SIPA1L2: variants seen among roughly 807,000 people sequenced by gnomAD.
The protein encoded by SIPA1L2 is signal induced proliferation associated 1 like 2.
A neutral mutation model predicts 163.9 loss-of-function variants in SIPA1L2; 56 were observed. That is an observed-to-expected ratio of 0.34 (90% CI 0.28 to 0.43). SIPA1L2 has a LOEUF of 0.43. Among genes scored for constraint, SIPA1L2 ranks in the 20% least tolerant of loss-of-function variants. The pLI is 1.00. For synonymous variants in SIPA1L2, 877 were observed against 865.7 expected (o/e 1.01, Z -0.23); for missense variants, 1,974 against 2,193.5 (o/e 0.90, Z 2.00).
intron 3 of SIPA1L2, among the ~76,000 whole-genome samples, chr1:232,500,480 T>C (rs764407198): frequency 3.4e-4 from 51 of 152,156 alleles, no homozygotes; most frequent in Non-Finnish European, 6.8e-4. Flanking sequence ...TTAACAGAAA[T>C]TTAGAAGGTG....
intron 16 of SIPA1L2, among the ~76,000 whole-genome samples, chr1:232,429,608 T>TA (rs35262191): frequency 0.012 from 1,607 of 137,730 alleles, 44 homozygotes; most frequent in East Asian, 0.06. Flanking sequence ...ATAGTGGCTG[T>TA]AAAAAAAAAA....
At chr1:232,562,653 C>CT (rs1207097826) in intron 2 of SIPA1L2, among the ~76,000 whole-genome samples, 1 of 152,166 alleles carries the variant, frequency 6.6e-6, no homozygotes, top group Non-Finnish European at 1.5e-5. Flanking sequence ...TCGAAGCCAA[C>CT]AAGATCTGAT....
At chr1:232,533,763 C>T (rs544574247) in intron 2 of SIPA1L2, among the ~76,000 whole-genome samples, 29 of 152,322 alleles carry the variant, frequency 1.9e-4, no homozygotes, top group African/African-American at 1.2e-4. Context: ...GACAAGAACA[C>T]TTTGCTCAGA....
intron 10 of SIPA1L2, among the ~76,000 whole-genome samples, chr1:232,456,186 C>A (rs1368505298): frequency 3.3e-5 from 5 of 152,152 alleles, no homozygotes; most frequent in Non-Finnish European, 7.3e-5. Flanking sequence ...AGAAGGCTCA[C>A]TTGAGTCCAG....
intron 3 of SIPA1L2, among the ~76,000 whole-genome samples, chr1:232,504,411 G>A (rs1236663122): frequency 1.3e-5 from 2 of 151,852 alleles, no homozygotes; most frequent in African/African-American, 4.8e-5. Flanking sequence ...GGTGGCGCAT[G>A]CCTGTAGTTC....
intron 2 of SIPA1L2, among the ~76,000 whole-genome samples, chr1:232,570,652 T>C (rs552503650): frequency 1.1e-4 from 16 of 152,266 alleles, no homozygotes; most frequent in African/African-American, 3.6e-4. Context: ...TGGGACACAG[T>C]AGCTTATTCA....
chr1:232,520,306 C>T (rs899553896), intron 2 of SIPA1L2, among the ~76,000 whole-genome samples: 4 of 152,202 alleles, frequency 2.6e-5, no homozygotes, highest in African/African-American at 9.7e-5. Flanking sequence ...CAGACAGAAA[C>T]CCCACAGGTA....
intron 3 of SIPA1L2, among the ~76,000 whole-genome samples, chr1:232,510,927 T>C (rs979519256): frequency 6.6e-6 from 1 of 152,226 alleles, no homozygotes; most frequent in Non-Finnish European, 1.5e-5. Flanking sequence ...ACAAACTATT[T>C]ACAAAACTCA....
intron 2 of SIPA1L2, among the ~76,000 whole-genome samples, chr1:232,537,520 A>G (rs1169093826): frequency 6.6e-6 from 1 of 152,228 alleles, no homozygotes; most frequent in Non-Finnish European, 1.5e-5. Flanking sequence ...GGAATACTTC[A>G]CAAAATAGGA....
At chr1:232,443,389 G>GA (rs1044846971) in intron 12 of SIPA1L2, among the ~76,000 whole-genome samples, 32 of 152,118 alleles carry the variant, frequency 2.1e-4, no homozygotes, top group Admixed American at 2.0e-3. Context: ...CATCAAAAAG[G>GA]AAAAAACAGG....
chr1:232,433,390 C>T (rs1177721084), intron 15 of SIPA1L2, among the ~76,000 whole-genome samples: 6 of 152,102 alleles, frequency 3.9e-5, no homozygotes, highest in Admixed American at 3.3e-4. Flanking sequence ...GGATGATTAT[C>T]ACAAAAGCCA....
intron 7 of SIPA1L2, among the ~76,000 whole-genome samples, chr1:232,478,882 C>T (rs912498863): frequency 6.6e-6 from 1 of 152,230 alleles, no homozygotes; most frequent in Admixed American, 6.5e-5. Flanking sequence ...GAAATGGAGC[C>T]TTAGCTATCC....
intron 21 of SIPA1L2, 92 bp from the exon 22 acceptor site, chr1:232,402,565 G>T: frequency 9.9e-7 from 1 of 1,011,298 alleles, no homozygotes; most frequent in Non-Finnish European, 1.5e-6. Flanking sequence ...TATTTCATGT[G>T]CTTAGAGCCC....
rs770109699 is a variant in SIPA1L2 at position 232,461,071 on chromosome 1, C to T, written c.2911G>A (p.Val971Ile). ...LGFHVNFEGI[V>I]ADVEPFGFAW... Reference sequence around the variant, plus strand: ...AAGCCAAAAGGTTCCACATCTGCGACAATTCCTTCAAAATTCACATGGAAG... The same window carrying T: ...AAGCCAAAAGGTTCCACATCTGCGATAATTCCTTCAAAATTCACATGGAAG... The change falls in exon 10 of 23, where the codon GTC becomes ATC. Residue 971 changes from valine to isoleucine, a missense_variant. By Grantham distance (29) the Val-to-Ile change is conservative (BLOSUM62 3). Around this residue, in one of 3 missense-constraint regions of SIPA1L2, gnomAD observed 1,079 missense variants for 1,150.7 expected, o/e 0.94. Coordinates refer to ENST00000674635, the MANE Select transcript of SIPA1L2 (RefSeq NM_020808.5). 9 of 1,614,292 alleles carry T rather than the reference C, an allele frequency of 5.6e-6. 1 individual carries two copies. The South Asian group carries it at 9.9e-5, about 18-fold the overall frequency.
intron 1 of SIPA1L2, among the ~76,000 whole-genome samples, chr1:232,613,484 C>T (rs12097585): frequency 0.029 from 4,344 of 152,282 alleles, 158 homozygotes; most frequent in African/African-American, 0.083. Flanking sequence ...AGGGAACCTT[C>T]TCCAGGTGTT....
intron 1 of SIPA1L2, among the ~76,000 whole-genome samples, chr1:232,592,809 G>GAAA (rs541158763): frequency 1.4e-5 from 2 of 145,858 alleles, no homozygotes; most frequent in Admixed American, 6.8e-5. Flanking sequence ...ATGTTCACAG[G>GAAA]AAAAAAAAAA....
At chr1:232,579,883 G>C (rs879398515) in intron 1 of SIPA1L2, among the ~76,000 whole-genome samples, 5 of 152,154 alleles carry the variant, frequency 3.3e-5, no homozygotes, top group Non-Finnish European at 7.4e-5. Flanking sequence ...AGAAAGAATG[G>C]GGGCTTGGAG....
At position 232,425,765 on chromosome 1, in the gene SIPA1L2, C is replaced by A. The variant is rs748564960; in HGVS notation, c.4454G>T (p.Arg1485Leu). ...GNLSPRRSLY[R>L]TLSDESICSN... Reference sequence around the variant, plus strand: ...GCAGATGCTCTCGTCAGACAGCGTGCGGTAAAGCGACCTCCTTGGAGACAG... The same window carrying A: ...GCAGATGCTCTCGTCAGACAGCGTGAGGTAAAGCGACCTCCTTGGAGACAG... The change falls in exon 18 of 23, where the codon CGC becomes CTC. Residue 1485 changes from arginine (R) to leucine (L), a missense_variant. By Grantham distance (102) the Arg-to-Leu change is moderately radical (BLOSUM62 -2). Around this residue, in one of 3 missense-constraint regions of SIPA1L2, gnomAD observed 1,079 missense variants for 1,150.7 expected, o/e 0.94. Coordinates refer to ENST00000674635, the MANE Select transcript of SIPA1L2 (RefSeq NM_020808.5). The A allele has an allele frequency of 6.2e-7, 1 of 1,613,886 alleles. No homozygotes were observed. Among genetic ancestry groups the A allele is most frequent in the Admixed American group, 1.7e-5 (1 of 59,994 alleles).
At chr1:232,599,648 C>T (rs1336463221) in intron 1 of SIPA1L2, among the ~76,000 whole-genome samples, 1 of 152,136 alleles carries the variant, frequency 6.6e-6, no homozygotes, top group Non-Finnish European at 1.5e-5. Context: ...TGGGGTAGAA[C>T]TACCCTCTAA....
Sources: gnomAD v4.1 joint callset for allele counts (sites outside exome capture counted in the v4.1 genomes callset) on GRCh38, gnomAD v4.1.1 for gene constraint, gnomAD v4.1.1 regional missense constraint, MANE v1.5 for transcripts, NCBI Gene and HGNC (gene_info 2026-07-23, HGNC 2026-07-21) for gene names.